LATS1: variants seen among roughly 807,000 people sequenced by gnomAD.
LATS1 encodes serine/threonine-protein kinase LATS1.
A neutral mutation model predicts 106.6 loss-of-function variants in LATS1; 25 were observed. The ratio of observed to expected loss-of-function variants is 0.23; its 90% CI spans 0.17 to 0.33. LATS1 has a LOEUF of 0.33. Ranked by LOEUF, LATS1 falls within the 10% of genes least tolerant of loss-of-function variation. The pLI is 1.00. For missense variants in LATS1, 1,040 were observed against 1,382.6 expected, an observed-to-expected ratio of 0.75 and a Z score of 3.93; for synonymous variants, 465 against 455.6, an observed-to-expected ratio of 1.02 and a Z score of -0.26.
intron 5 of LATS1, among the ~76,000 whole-genome samples, chr6:149,677,288 TA>T (rs893099264): frequency 6.6e-6 from 1 of 152,008 alleles, no homozygotes; most frequent in Non-Finnish European, 1.5e-5. Flanking sequence ...AGCTAAACCG[TA>T]AAAAAACAAG....
At position 149,717,964 on chromosome 6, in the gene LATS1, CGAACGGGGGGGCTGCCGCG is replaced by C. The variant is rs1027850074; in HGVS notation, c.-275_-257del. Reference sequence around the variant, plus strand: ...TCCCTGGTGGGGCAGAGCGGGGAGACGAACGGGGGGGCTGCCGCGGGCCAGCGCGGCCCGTCCCAGGGGT... The same window carrying C: ...TCCCTGGTGGGGCAGAGCGGGGAGACGGCCAGCGCGGCCCGTCCCAGGGGT... On this transcript the variant is annotated 5_prime_UTR_variant, in exon 1 of 8. Coordinates refer to ENST00000543571, the MANE Select transcript of LATS1 (RefSeq NM_004690.4). The C allele has an allele frequency of 2.8e-6, 1 of 363,146 alleles. No homozygotes were observed. Among genetic ancestry groups the C allele is most frequent in the Non-Finnish European group, 5.3e-6 (1 of 188,620 alleles). The allele number at this position is 363,146 out of a possible 1,614,324, so 22.5% of individuals were successfully genotyped here. A position where few individuals can be genotyped will look rare whatever the true frequency, so the allele number is the denominator to read the frequency against.
intron 7 of LATS1, among the ~76,000 whole-genome samples, chr6:149,663,067 G>C (rs1172695607): frequency 1.3e-5 from 2 of 151,998 alleles, no homozygotes; most frequent in Non-Finnish European, 2.9e-5. Flanking sequence ...AGACTACCTA[G>C]TCTCTCCCGC....
At chr6:149,703,647 T>G (rs1229025218) in intron 1 of LATS1, among the ~76,000 whole-genome samples, 1 of 152,120 alleles carries the variant, frequency 6.6e-6, no homozygotes, top group Admixed American at 6.6e-5. Context: ...GAGGACTGCT[T>G]GAGCTCAGGA....
intron 3 of LATS1, among the ~76,000 whole-genome samples, chr6:149,687,874 T>C (rs1362297960): frequency 2.3e-5 from 3 of 128,846 alleles, no homozygotes; most frequent in Non-Finnish European, 3.3e-5. Context: ...GACCCTCCTC[T>C]TTTTTTTTTT....
At chr6:149,708,612 C>T (rs773165622) in intron 1 of LATS1, among the ~76,000 whole-genome samples, 12 of 152,066 alleles carry the variant, frequency 7.9e-5, no homozygotes, top group Non-Finnish European at 1.8e-4. Flanking sequence ...TGTAACATAT[C>T]TCAATTCTGG....
chr6:149,710,735 A>G lies in LATS1; in HGVS notation c.-141+7114T>C, dbSNP rs1784044241. ...GCCTATAATAACTTTTCATACAACT[A>G]CAAGGTCAGTGAACATACAAAGAGG... On this transcript the variant is annotated intron_variant, in intron 1 of 7. Transcript: ENST00000543571. Among the ~76,000 whole-genome samples, 6 of 152,358 alleles carry G rather than the reference A, an allele frequency of 3.9e-5. No individual in the cohort carries two copies. In the South Asian group the frequency reaches 1.2e-3, roughly 32 times the overall value.
At position 149,671,922 on chromosome 6, in the gene LATS1, T is replaced by C. The variant is rs537637947; in HGVS notation, c.2883+4338A>G. On this transcript the variant is annotated intron_variant, in intron 7 of 7. Coordinates refer to ENST00000543571, the MANE Select transcript of LATS1 (RefSeq NM_004690.4). ...TTTTTTTTTTGAGACAGAGTCTCAC[T>C]CTGTTGCCCAGGCTGGAGTACAGTG... 1.3e-4 allele frequency among the ~76,000 whole-genome samples: 19 copies of C among 151,920 alleles called. 1 individual carries two copies. Among genetic ancestry groups the C allele is most frequent in the African/African-American group, 4.4e-4 (18 of 41,290 alleles).
chr6:149,701,743 A>T, intron 2 of LATS1, 36 bp downstream of exon 2: 1 of 1,489,648 alleles, frequency 6.7e-7, no homozygotes, highest in Non-Finnish European at 9.2e-7. Flanking sequence ...GCATAAGGTA[A>T]GAAGAATCCT....
intron 3 of LATS1, among the ~76,000 whole-genome samples, chr6:149,693,368 T>C (rs1189945010): frequency 6.6e-6 from 1 of 151,542 alleles, no homozygotes; most frequent in Non-Finnish European, 1.5e-5. Context: ...TCCCAGCACT[T>C]TGGGAGGCCA....
At chr6:149,662,966 C>CAAAAAAAAAAAAAAAAAAAAAAAAAAAA (rs61479102) in intron 7 of LATS1, among the ~76,000 whole-genome samples, 1 of 96,254 alleles carries the variant, frequency 1.0e-5, no homozygotes, top group Non-Finnish European at 2.2e-5. Flanking sequence ...ACACTGTCTC[C>CAAAAAAAAAAAAAAAAAAAAAAAAAAAA]AAAAAAAAAA....
At chr6:149,707,011 CTTTTTTTTTTTTT>C (rs745424840) in intron 1 of LATS1, among the ~76,000 whole-genome samples, 18 of 110,430 alleles carry the variant, frequency 1.6e-4, no homozygotes, top group African/African-American at 6.0e-4. Flanking sequence ...CTGGACATCT[CTTTTTTTTTTTTT>C]TTTTTTTTGA....
Position 149,693,236 on chromosome 6 carries a change from C to T in LATS1, c.496+1838G>A, listed in dbSNP as rs185407626. 2.1e-4 allele frequency among the ~76,000 whole-genome samples: 32 copies of T among 151,082 alleles called. 1 individual carries two copies. The highest frequency in any genetic ancestry group is 2.1e-3 in the Admixed American group (32 of 15,164). On this transcript the variant is annotated intron_variant, in intron 3 of 7. Coordinates refer to ENST00000543571, the MANE Select transcript of LATS1 (RefSeq NM_004690.4). ...AGGTTGCAGTAAGCCAAGATTGTGC[C>T]ACTGCACTCCAGCCTGGGTGACAAG...
chr6:149,717,776 G>A (rs1784498830), intron 1 of LATS1, 73 bp downstream of exon 1: 2 of 273,122 alleles, frequency 7.3e-6, no homozygotes, highest in Non-Finnish European at 1.4e-5. Context: ...GGATGGGCGT[G>A]GGCCCCGGCG....
Position 149,680,005 on chromosome 6 carries a change from T to C in LATS1, c.2463A>G (p.Lys821=), listed in dbSNP as rs1395479129. 3 of 1,613,988 alleles carry C rather than the reference T, an allele frequency of 1.9e-6. No individual in the cohort carries two copies. Among genetic ancestry groups the C allele is most frequent in the Non-Finnish European group, 2.5e-6 (3 of 1,180,002 alleles). Residue 821 remains lysine (K), a synonymous_variant, in exon 5 of 8, where the codon AAA becomes AAG. Coordinates refer to ENST00000543571, the MANE Select transcript of LATS1 (RefSeq NM_004690.4). Reference sequence around the variant, plus strand: ...TAATATCTCTATGAATAAAACCCATTTTATGAACACTTTCAACTGCACAGG... The same window carrying C: ...TAATATCTCTATGAATAAAACCCATCTTATGAACACTTTCAACTGCACAGG... ...ELTCAVESVH[K]MGFIHRDIKP...
At chr6:149,699,487 TA>T (rs991257073) in intron 2 of LATS1, among the ~76,000 whole-genome samples, 5 of 151,158 alleles carry the variant, frequency 3.3e-5, no homozygotes, top group African/African-American at 1.2e-4. Context: ...AAAAAAAAAA[TA>T]AAATAAATAA....
Position 149,684,602 on chromosome 6 carries a change from T to C in LATS1, c.497-10A>G, listed in dbSNP as rs748371789. 2 of 1,525,690 alleles carry C rather than the reference T, an allele frequency of 1.3e-6. No homozygotes were observed. Among genetic ancestry groups the C allele is most frequent in the Non-Finnish European group, 1.8e-6 (2 of 1,134,218 alleles). The allele number at this position is 1,525,690 out of a possible 1,614,324, so 94.5% of individuals were successfully genotyped here. A position where few individuals can be genotyped will look rare whatever the true frequency, so the allele number is the denominator to read the frequency against. ...GATTGCTGCACATTCCCTATGGTTA[T>C]AAGAGAGATAAAGAGAAAAAAGAAT... On this transcript the variant is annotated splice_polypyrimidine_tract_variant and intron_variant, in intron 3 of 7. Coordinates refer to ENST00000543571, the MANE Select transcript of LATS1 (RefSeq NM_004690.4).
intron 1 of LATS1, among the ~76,000 whole-genome samples, chr6:149,713,369 A>T (rs1784210910): frequency 6.6e-6 from 1 of 151,156 alleles, no homozygotes; most frequent in African/African-American, 2.4e-5. Context: ...ATCTCGGCTC[A>T]CTGCAACCTC....
At chr6:149,697,024 A>C (rs1783131914) in intron 2 of LATS1, 1 of 623,266 alleles carries the variant, frequency 1.6e-6, no homozygotes, top group Admixed American at 2.3e-5. Flanking sequence ...TTATATAAAC[A>C]TAAATCACTC....
chr6:149,680,577 C>A, intron 4 of LATS1, 120 bp from the exon 5 acceptor site: 1 of 694,752 alleles, frequency 1.4e-6, no homozygotes, highest in Non-Finnish European at 2.4e-6. Context: ...TTTAATAAAG[C>A]ATGTTAGAAA....
Sources: gnomAD v4.1 joint callset for allele counts (sites outside exome capture counted in the v4.1 genomes callset) on GRCh38, gnomAD v4.1.1 for gene constraint, MANE v1.5 for transcripts, NCBI Gene and HGNC (gene_info 2026-07-23, HGNC 2026-07-21) for gene names.